CPM: variants seen among roughly 807,000 people sequenced by gnomAD.
CPM encodes renal carboxypeptidase.
Under a neutral mutation model 46.4 loss-of-function variants are expected in CPM, and 35 were observed. The observed-to-expected ratio is 0.75, with a 90% CI of 0.58 to 1.00. The LOEUF (loss-of-function observed/expected upper bound fraction) is 1.00. CPM is among the 50% of genes least tolerant of loss of function. The pLI is 0.00. For missense variants in CPM, 422 were observed against 530.4 expected, an observed-to-expected ratio of 0.80 and a Z score of 2.01; for synonymous variants, 195 against 195.3, an observed-to-expected ratio of 1.00 and a Z score of 0.01.
intron 2 of CPM, among the ~76,000 whole-genome samples, chr12:68,896,823 T>C (rs1224352338): frequency 1.3e-5 from 2 of 152,174 alleles, no homozygotes; most frequent in African/African-American, 2.4e-5. Flanking sequence ...AATGTAGATG[T>C]TAGGTTCCAT....
chr12:68,894,861 T>C (rs2136269349), intron 2 of CPM, among the ~76,000 whole-genome samples: 1 of 151,878 alleles, frequency 6.6e-6, no homozygotes, highest in South Asian at 2.1e-4. Flanking sequence ...ACAGTGAAAC[T>C]GTCACCACTA....
intron 2 of CPM, among the ~76,000 whole-genome samples, chr12:68,892,031 G>A (rs563145540): frequency 2.6e-5 from 4 of 152,142 alleles, no homozygotes; most frequent in South Asian, 4.1e-4. Flanking sequence ...GCCACTTCAC[G>A]CGGCTGGAAA....
intron 5 of CPM, chr12:68,842,366 A>G (rs1223586905): frequency 2.0e-6 from 1 of 494,934 alleles, no homozygotes; most frequent in Non-Finnish European, 4.0e-6. Context: ...AACAGGATGC[A>G]GACATGGCAG....
intron 2 of CPM, among the ~76,000 whole-genome samples, chr12:68,899,034 C>CAA (rs537818970): frequency 4.7e-4 from 71 of 152,232 alleles, no homozygotes; most frequent in Admixed American, 2.4e-3. Context: ...TCAATATAAA[C>CAA]AGTGTACATA....
chr12:68,952,845 G>C (rs779984281), intron 1 of CPM, among the ~76,000 whole-genome samples: 2 of 152,200 alleles, frequency 1.3e-5, no homozygotes, highest in Non-Finnish European at 2.9e-5. Context: ...CTTCACAGAA[G>C]TAAGTAGAAA....
chr12:68,922,412 G>A (rs1416922159), intron 2 of CPM, among the ~76,000 whole-genome samples: 2 of 152,134 alleles, frequency 1.3e-5, no homozygotes. Flanking sequence ...AACTGGATAA[G>A]CAACTAATTG....
intron 2 of CPM, among the ~76,000 whole-genome samples, chr12:68,910,431 A>G (rs1180553485): frequency 1.3e-5 from 2 of 152,168 alleles, no homozygotes; most frequent in Non-Finnish European, 2.9e-5. Context: ...ACTTCACAAT[A>G]TATTCTGGAC....
At chr12:68,871,061 T>C (rs546552588) in intron 4 of CPM, among the ~76,000 whole-genome samples, 7 of 152,340 alleles carry the variant, frequency 4.6e-5, no homozygotes, top group Middle Eastern at 3.4e-3. Context: ...ATATGTAAAT[T>C]GCATACATAT....
chr12:68,906,916 C>T (rs149440090), intron 2 of CPM, among the ~76,000 whole-genome samples: 41 of 152,338 alleles, frequency 2.7e-4, no homozygotes, highest in African/African-American at 9.4e-4. Flanking sequence ...GCATAGTATT[C>T]CGTCAGGGAA....
At chr12:68,904,944 T>A (rs1214755722) in intron 2 of CPM, among the ~76,000 whole-genome samples, 1 of 152,208 alleles carries the variant, frequency 6.6e-6, no homozygotes, top group Non-Finnish European at 1.5e-5. Flanking sequence ...GTTTCATTCT[T>A]GTCGCTCACG....
At chr12:68,865,817 T>C (rs1885417347) in intron 7 of CPM, among the ~76,000 whole-genome samples, 1 of 152,180 alleles carries the variant, frequency 6.6e-6, no homozygotes, top group Non-Finnish European at 1.5e-5. Flanking sequence ...TGTACAAGAT[T>C]CCATCATCAT....
At chr12:68,867,148 A>G (rs1312911029) in intron 6 of CPM, 100 bp from the exon 7 acceptor site, 7 of 1,181,632 alleles carry the variant, frequency 5.9e-6, no homozygotes, top group African/African-American at 3.1e-5. Flanking sequence ...CTACATGTAA[A>G]CAGGAAAAAA....
intron 3 of CPM, among the ~76,000 whole-genome samples, chr12:68,880,105 TA>T (rs11433305): frequency 2.7e-5 from 4 of 149,368 alleles, no homozygotes; most frequent in South Asian, 2.1e-4. Context: ...CCCTTCCAAT[TA>T]AAAAAAAAAG....
chr12:68,952,596 G>C (rs1236261330), intron 1 of CPM, among the ~76,000 whole-genome samples: 1 of 152,146 alleles, frequency 6.6e-6, no homozygotes, highest in Non-Finnish European at 1.5e-5. Flanking sequence ...AGCTGGCTCT[G>C]CCCACCTCCC....
intron 2 of CPM, among the ~76,000 whole-genome samples, chr12:68,891,981 C>T (rs1412742446): frequency 6.6e-6 from 1 of 152,172 alleles, no homozygotes; most frequent in East Asian, 1.9e-4. Flanking sequence ...AAGTGATCTG[C>T]CCACCTTGGC....
At chr12:68,885,973 T>A in intron 2 of CPM, 84 bp from the exon 3 acceptor site, 3 of 1,158,048 alleles carry the variant, frequency 2.6e-6, no homozygotes, top group African/African-American at 1.5e-5. Flanking sequence ...GGAAACAGGA[T>A]GCTGCTTCCC....
Position 68,928,911 on chromosome 12 carries a change from ATT to A in CPM, c.160+3765_160+3766del, listed in dbSNP as rs5798912. 3.5e-3 allele frequency among the ~76,000 whole-genome samples: 506 copies of A among 144,214 alleles called. 1 individual carries two copies. The highest frequency in any genetic ancestry group is 8.5e-3 in the African/African-American group (331 of 38,860). The allele number at this position is 144,214 out of a possible 152,430, so 94.6% of individuals were successfully genotyped here. A position where few individuals can be genotyped will look rare whatever the true frequency, so the allele number is the denominator to read the frequency against. ...TGCACCATTATGCCTGGTTAATTAA[ATT>A]TTTTTTTTTTTTTTTAAGAAATGGA... On this transcript the variant is annotated intron_variant, in intron 2 of 8. Coordinates refer to ENST00000551568, the MANE Select transcript of CPM (RefSeq NM_198320.5).
rs1014497624 is a variant in CPM at position 68,852,430 on chromosome 12, T to A, written c.*4007A>T. 1 of 152,078 alleles carries A rather than the reference T, an allele frequency of 6.6e-6. No homozygotes were observed. Among genetic ancestry groups the A allele is most frequent in the South Asian group, 2.1e-4 (1 of 4,824 alleles). The allele number at this position is 152,078 out of a possible 1,614,324, so 9.4% of individuals were successfully genotyped here. A position where few individuals can be genotyped will look rare whatever the true frequency, so the allele number is the denominator to read the frequency against. ...CTGAACAAGCACCAAAAATGTAGCATCTCTTACCAGTCACAGAATCACCGT... is the reference window on the plus strand; with the variant it reads ...CTGAACAAGCACCAAAAATGTAGCAACTCTTACCAGTCACAGAATCACCGT... On this transcript the variant is annotated 3_prime_UTR_variant, in exon 9 of 9. Transcript: ENST00000551568.
chr12:68,954,653 G>A (rs1888984261), intron 1 of CPM, among the ~76,000 whole-genome samples: 1 of 151,930 alleles, frequency 6.6e-6, no homozygotes, highest in Non-Finnish European at 1.5e-5. Context: ...CCTCTCCTCT[G>A]TGCCCCAGAT....
Sources: allele counts gnomAD v4.1 joint callset (sites outside exome capture counted in the v4.1 genomes callset), GRCh38; gene constraint gnomAD v4.1.1; transcripts MANE v1.5; gene names NCBI Gene and HGNC (gene_info 2026-07-23, HGNC 2026-07-21).